EVA1C: variants seen among roughly 807,000 people sequenced by gnomAD.
EVA1C encodes the protein protein eva-1 homolog C.
Under a neutral mutation model 45.4 loss-of-function variants are expected in EVA1C, and 25 were observed. The observed-to-expected ratio is 0.55, with a 90% CI of 0.40 to 0.77. The LOEUF is 0.77. EVA1C is among the 30% of genes least tolerant of loss of function. EVA1C has a pLI of 0.00. For synonymous variants in EVA1C, 190 were observed against 221.2 expected, an observed-to-expected ratio of 0.86 and a Z score of 1.25; for missense variants, 479 against 554.8, an observed-to-expected ratio of 0.86 and a Z score of 1.37.
In EVA1C at chr21:32,501,479, G is replaced by A. The variant is rs1221457955; in HGVS notation, c.843G>A (p.Gln281=). 1 of 1,593,682 alleles carries A rather than the reference G, an allele frequency of 6.3e-7. No individual in the cohort carries two copies. The highest frequency in any genetic ancestry group is 1.3e-5 in the African/African-American group (1 of 74,718). ...CTAATCTAAAACCTTCTTTGAAGCA[G>A]AAAGATGGTGAATATGGTAATTTTT... The part of the protein sequence containing the change: ...AIANLKPSLK[Q]KDGEYGINFD... The change falls in exon 6 of 8, where the codon CAG becomes CAA. Residue 281 remains glutamine (Q), a synonymous_variant. Coordinates refer to ENST00000300255, the MANE Select transcript of EVA1C (RefSeq NM_058187.5).
chr21:32,444,077 C>CAT (rs2035278887), intron 1 of EVA1C, among the ~76,000 whole-genome samples: 2 of 151,270 alleles, frequency 1.3e-5, no homozygotes, highest in African/African-American at 2.4e-5. Flanking sequence ...CACACACACA[C>CAT]ACACACACAC....
At chr21:32,454,161 G>A (rs1285044955) in intron 2 of EVA1C, among the ~76,000 whole-genome samples, 5 of 152,162 alleles carry the variant, frequency 3.3e-5, no homozygotes, top group Admixed American at 1.3e-4. Context: ...CCCAGGAGGC[G>A]GAGGTTGCAG....
At chr21:32,436,893 C>T (rs1388978643) in intron 1 of EVA1C, among the ~76,000 whole-genome samples, 6 of 152,142 alleles carry the variant, frequency 3.9e-5, no homozygotes, top group Admixed American at 3.9e-4. Flanking sequence ...GGTGCAGTGG[C>T]TCATGCCTGT....
intron 7 of EVA1C, among the ~76,000 whole-genome samples, chr21:32,509,954 G>A (rs1427027861): frequency 1.3e-5 from 2 of 151,950 alleles, no homozygotes; most frequent in African/African-American, 2.4e-5. Context: ...AACTTGGGGA[G>A]GGTGACAAGG....
chr21:32,496,109 A>G (rs1302165388), intron 5 of EVA1C, among the ~76,000 whole-genome samples: 1 of 152,096 alleles, frequency 6.6e-6, no homozygotes, highest in East Asian at 1.9e-4. Context: ...CATCCCCCCA[A>G]AAGAAACCCT....
intron 7 of EVA1C, among the ~76,000 whole-genome samples, chr21:32,506,725 G>A (rs2005543): frequency 0.45 from 69,015 of 151,862 alleles, 17,125 homozygotes; most frequent in East Asian, 0.69. Context: ...AGAGGTGCAT[G>A]TGGACATCAG....
chr21:32,460,721 G>A (rs1325939876), intron 3 of EVA1C, among the ~76,000 whole-genome samples: 1 of 151,876 alleles, frequency 6.6e-6, no homozygotes, highest in East Asian at 1.9e-4. Context: ...TCATGGAGAG[G>A]CACTTGGTAC....
At chr21:32,498,116 T>A (rs1441513737) in intron 5 of EVA1C, among the ~76,000 whole-genome samples, 1 of 152,174 alleles carries the variant, frequency 6.6e-6, no homozygotes, top group Admixed American at 6.6e-5. Flanking sequence ...GCTCTTTGTG[T>A]CAGGAGCTGT....
chr21:32,499,241 G>A (rs2037450209), intron 5 of EVA1C, among the ~76,000 whole-genome samples: 1 of 152,236 alleles, frequency 6.6e-6, no homozygotes, highest in Non-Finnish European at 1.5e-5. Context: ...ACCACTCCTG[G>A]CAGGGAGAGC....
At chr21:32,438,903 C>T (rs969474524) in intron 1 of EVA1C, among the ~76,000 whole-genome samples, 5 of 150,800 alleles carry the variant, frequency 3.3e-5, no homozygotes, top group Non-Finnish European at 5.9e-5. Context: ...GTCACCTGAG[C>T]TGTGACTATA....
intron 7 of EVA1C, among the ~76,000 whole-genome samples, chr21:32,510,475 T>C (rs2037911689): frequency 6.6e-6 from 1 of 152,204 alleles, no homozygotes; most frequent in Admixed American, 6.5e-5. Flanking sequence ...ATAGAGGCCA[T>C]GCAGGAAAGA....
Position 32,515,282 on chromosome 21 carries a change from A to G in EVA1C, c.*92A>G. On this transcript the variant is annotated 3_prime_UTR_variant, in exon 8 of 8. Coordinates refer to ENST00000300255, the MANE Select transcript of EVA1C (RefSeq NM_058187.5). ...TCTGGTTCACCTGTACCTTCTATGA[A>G]GGAGAATTCGTCATGTCATTCAACA... The G allele has an allele frequency of 7.2e-7, 1 of 1,383,596 alleles. No individual in the cohort carries two copies. Among genetic ancestry groups the G allele is most frequent in the Non-Finnish European group, 9.8e-7 (1 of 1,022,240 alleles). The allele number at this position is 1,383,596 out of a possible 1,614,324, so 85.7% of individuals were successfully genotyped here. A position where few individuals can be genotyped will look rare whatever the true frequency, so the allele number is the denominator to read the frequency against.
intron 3 of EVA1C, 74 bp from the exon 4 acceptor site, chr21:32,467,622 T>C (rs944337340): frequency 1.4e-6 from 2 of 1,442,252 alleles, no homozygotes; most frequent in African/African-American, 2.9e-5. Context: ...AAATGAGCAA[T>C]GGGACTTGGA....
In EVA1C at chr21:32,515,028, G is replaced by A. The variant is rs777007105; in HGVS notation, c.1164G>A (p.Gly388=). 52 of 1,614,016 alleles carry A rather than the reference G, an allele frequency of 3.2e-5. No individual in the cohort carries two copies. The highest frequency in any genetic ancestry group is 4.3e-5 in the Non-Finnish European group (51 of 1,180,016). ...EEDPSESDFP[G]ELSGFCRTSY... ...ACCCCTCTGAGTCTGATTTCCCAGG[G>A]GAACTGTCGGGGTTCTGTAGGACTT... Residue 388 remains glycine, a synonymous_variant, in exon 8 of 8, where the codon GGG becomes GGA. Coordinates refer to ENST00000300255, the MANE Select transcript of EVA1C (RefSeq NM_058187.5).
chr21:32,465,486 A>T (rs890551173), intron 3 of EVA1C, among the ~76,000 whole-genome samples: 1 of 152,236 alleles, frequency 6.6e-6, no homozygotes, highest in Non-Finnish European at 1.5e-5. Context: ...ATTTCAAAGT[A>T]GAAAACTCCA....
intron 3 of EVA1C, among the ~76,000 whole-genome samples, chr21:32,464,454 G>T (rs1315267592): frequency 6.6e-6 from 1 of 152,150 alleles, no homozygotes; most frequent in East Asian, 1.9e-4. Context: ...TTTCCTTCTT[G>T]TGGTCCAAAA....
chr21:32,421,620 G>C (rs565325761), intron 1 of EVA1C, among the ~76,000 whole-genome samples: 1 of 152,202 alleles, frequency 6.6e-6, no homozygotes, highest in Admixed American at 6.5e-5. Flanking sequence ...TGCCTTCATG[G>C]GAATATCATC....
At chr21:32,495,216 TG>T (rs778960555) in intron 5 of EVA1C, 46 bp downstream of exon 5, 4 of 1,598,186 alleles carry the variant, frequency 2.5e-6, no homozygotes, top group African/African-American at 2.7e-5. Flanking sequence ...CTGCCTCTTT[TG>T]GGGGAGGGTG....
chr21:32,444,688 G>C (rs2035304432), intron 1 of EVA1C, among the ~76,000 whole-genome samples: 1 of 152,132 alleles, frequency 6.6e-6, no homozygotes, highest in Admixed American at 6.5e-5. Flanking sequence ...ATAACCTTCA[G>C]TTCCTCTCCT....
Sources: allele counts gnomAD v4.1 joint callset (sites outside exome capture counted in the v4.1 genomes callset), GRCh38; gene constraint gnomAD v4.1.1; transcripts MANE v1.5; gene names NCBI Gene and HGNC (gene_info 2026-07-23, HGNC 2026-07-21).